The following ELOVL4 variants were observed in gnomAD, a reference collection of about 807,000 sequenced individuals.
The protein encoded by ELOVL4 is ELOVL fatty acid elongase 4, also known as very long chain fatty acid elongase 4.
ELOVL4 carries 18 observed loss-of-function variants against 42.1 expected under a neutral mutation model. The observed-to-expected ratio is 0.43, with a 90% CI of 0.30 to 0.63. ELOVL4 has a LOEUF of 0.63. ELOVL4 is among the 30% of genes least tolerant of loss of function. ELOVL4 has a pLI of 0.15. For synonymous variants in ELOVL4, 117 were observed against 127.0 expected (o/e 0.92, Z 0.53); for missense variants, 299 against 376.2 (o/e 0.79, Z 1.70).
intron 1 of ELOVL4, among the ~76,000 whole-genome samples, chr6:79,929,074 C>G (rs1303964095): frequency 1.3e-5 from 2 of 148,376 alleles, no homozygotes; most frequent in Non-Finnish European, 3.0e-5. Flanking sequence ...CACAATCTAT[C>G]TTCATTTCCT....
chr6:79,928,984 C>A (rs1774397677), intron 1 of ELOVL4, among the ~76,000 whole-genome samples: 2 of 152,114 alleles, frequency 1.3e-5, no homozygotes, highest in South Asian at 4.2e-4. Context: ...AGGAAAGAGG[C>A]ACTAGTAAGA....
In ELOVL4 at chr6:79,915,409, C is replaced by A. The variant is rs886556050; in HGVS notation, c.*1199G>T. 1.3e-5 allele frequency: 2 copies of A among 152,518 alleles called. No individual in the cohort carries two copies. The highest frequency in any genetic ancestry group is 1.3e-4 in the Admixed American group (2 of 15,266). The allele number at this position is 152,518 out of a possible 1,614,324, so 9.4% of individuals were successfully genotyped here. A position where few individuals can be genotyped will look rare whatever the true frequency, so the allele number is the denominator to read the frequency against. Reference sequence around the variant, plus strand: ...GCATTGAATTTAACAATCTTTAGCACCAAGGAGTCAAGAATATTGCACCAA... The same window carrying A: ...GCATTGAATTTAACAATCTTTAGCAACAAGGAGTCAAGAATATTGCACCAA... On this transcript the variant is annotated 3_prime_UTR_variant, in exon 6 of 6. Coordinates refer to ENST00000369816, the MANE Select transcript of ELOVL4 (RefSeq NM_022726.4).
Position 79,916,860 on chromosome 6 carries a change from C to T in ELOVL4, c.693G>A (p.Gly231=), listed in dbSNP as rs771190061. ...CAGTGTAAAGAGACAGTGCCGTGTG[C>T]CCAATGGTCACATGGAATTGAATCT... ...LQLIQFHVTI[G]HTALSLYTDC... is the part of the protein sequence containing the mutation. Residue 231 remains glycine (G), a synonymous_variant, in exon 6 of 6, where the codon GGG becomes GGA. Coordinates refer to ENST00000369816, the MANE Select transcript of ELOVL4 (RefSeq NM_022726.4). 25 of 1,613,962 alleles carry T rather than the reference C, an allele frequency of 1.5e-5. No individual in the cohort carries two copies. Among genetic ancestry groups the T allele is most frequent in the Non-Finnish European group, 1.9e-5 (23 of 1,180,004 alleles).
In ELOVL4 at chr6:79,939,419, T is replaced by C. The variant is rs115588520; in HGVS notation, c.100+7761A>G. On this transcript the variant is annotated intron_variant, in intron 1 of 5. Coordinates refer to ENST00000369816, the MANE Select transcript of ELOVL4 (RefSeq NM_022726.4). Reference sequence around the variant, plus strand: ...TCTATCTTGAAAAACTGAAACTCTATACCTATTAAACAAGTCATCAGTTCT... The same window carrying C: ...TCTATCTTGAAAAACTGAAACTCTACACCTATTAAACAAGTCATCAGTTCT... 5.7e-3 allele frequency among the ~76,000 whole-genome samples: 867 copies of C among 152,230 alleles called. 8 individuals carry two copies. Among genetic ancestry groups the C allele is most frequent in the African/African-American group, 0.02 (816 of 41,556 alleles).
chr6:79,926,073 G>A, intron 2 of ELOVL4, 121 bp downstream of exon 2: 2 of 876,830 alleles, frequency 2.3e-6, no homozygotes, highest in South Asian at 1.6e-5. Context: ...TGTCAAAAAT[G>A]TACTTTTAGA....
chr6:79,938,030 C>T (rs1004729622), intron 1 of ELOVL4, among the ~76,000 whole-genome samples: 6 of 152,132 alleles, frequency 3.9e-5, no homozygotes, highest in African/African-American at 1.4e-4. Flanking sequence ...TGCCCAAGTG[C>T]AGGTGATGTC....
chr6:79,940,397 C>T (rs1345698743), intron 1 of ELOVL4, among the ~76,000 whole-genome samples: 1 of 152,160 alleles, frequency 6.6e-6, no homozygotes, highest in African/African-American at 2.4e-5. Flanking sequence ...AGTTAAGGAA[C>T]ATACTTATAC....
At chr6:79,926,170 A>T in intron 2 of ELOVL4, 24 bp downstream of exon 2, 1 of 1,595,774 alleles carries the variant, frequency 6.3e-7, no homozygotes. Flanking sequence ...TTGGAAAATT[A>T]TTAAAGTGAT....
chr6:79,928,612 A>G (rs1582049312), intron 1 of ELOVL4, among the ~76,000 whole-genome samples: 1 of 152,066 alleles, frequency 6.6e-6, no homozygotes, highest in African/African-American at 2.4e-5. Context: ...AGATCTTACA[A>G]TATGAAACAC....
At chr6:79,939,153 T>C (rs1368321034) in intron 1 of ELOVL4, among the ~76,000 whole-genome samples, 1 of 152,192 alleles carries the variant, frequency 6.6e-6, no homozygotes, top group East Asian at 1.9e-4. Context: ...AGCTATATAG[T>C]CTCTTTATAA....
At chr6:79,943,426 C>T (rs2127702654) in intron 1 of ELOVL4, among the ~76,000 whole-genome samples, 1 of 152,300 alleles carries the variant, frequency 6.6e-6, no homozygotes, top group South Asian at 2.1e-4. Context: ...TCTCCAAATA[C>T]TCTGACAGTA....
In ELOVL4 at chr6:79,947,545, C is replaced by A; in HGVS notation, c.-266G>T. On this transcript the variant is annotated 5_prime_UTR_variant, in exon 1 of 6. Transcript: ENST00000369816. ...CCAGCCGCCAGCACAGTGCGCTGCA[C>A]CAGTCTGCAGCCTCGCGCAGCCGCC... 2.1e-6 allele frequency: 1 copy of A among 480,438 alleles called. No individual in the cohort carries two copies. Among genetic ancestry groups the A allele is most frequent in the Non-Finnish European group, 3.8e-6 (1 of 263,382 alleles). The allele number at this position is 480,438 out of a possible 1,614,324, so 29.8% of individuals were successfully genotyped here. A position where few individuals can be genotyped will look rare whatever the true frequency, so the allele number is the denominator to read the frequency against.
Position 79,916,619 on chromosome 6 carries a change from T to G in ELOVL4, c.934A>C (p.Lys312Gln). 6.2e-7 allele frequency: 1 copy of G among 1,614,030 alleles called. No homozygotes were observed. The highest frequency in any genetic ancestry group is 8.5e-7 in the Non-Finnish European group (1 of 1,180,008). The change falls in exon 6 of 6, where the codon AAA becomes CAA. Residue 312 changes from lysine (K) to glutamine (Q), a missense_variant. Transcript: ENST00000369816. ...AGGCCCAGTTCAATTTAATCTCCTT[T>G]TGCTTTTCCATTTTTCTGCTTTTTT... The part of the protein sequence containing the change: ...NGKKQKNGKA[K>Q]GD
chr6:79,930,359 G>C (rs1416515696), intron 1 of ELOVL4, among the ~76,000 whole-genome samples: 5 of 152,068 alleles, frequency 3.3e-5, no homozygotes, highest in African/African-American at 1.2e-4. Context: ...CAGCCTCCCA[G>C]GATTATCATG....
At chr6:79,917,637 T>A (rs916914092) in intron 5 of ELOVL4, among the ~76,000 whole-genome samples, 1 of 152,116 alleles carries the variant, frequency 6.6e-6, no homozygotes, top group African/African-American at 2.4e-5. Context: ...CTGGCCAACA[T>A]GGTAAAACCC....
Position 79,947,493 on chromosome 6 carries a change from G to C in ELOVL4, c.-214C>G. On this transcript the variant is annotated 5_prime_UTR_variant, in exon 1 of 6. Coordinates refer to ENST00000369816, the MANE Select transcript of ELOVL4 (RefSeq NM_022726.4). ...GCGGAAGGCGTCGTCAAGGTTCCCGGGAGAAAGACGAGGAGGTGGAGGAGG... is the reference window on the plus strand; with the variant it reads ...GCGGAAGGCGTCGTCAAGGTTCCCGCGAGAAAGACGAGGAGGTGGAGGAGG... 1 of 586,448 alleles carries C rather than the reference G, an allele frequency of 1.7e-6. No homozygotes were observed. 36.3% of individuals were successfully genotyped at this position (586,448 alleles called of 1,614,324 possible). A position where few individuals can be genotyped will look rare whatever the true frequency, so the allele number is the denominator to read the frequency against.
chr6:79,922,429 GTCTTT>G (rs1210434352), intron 3 of ELOVL4, among the ~76,000 whole-genome samples: 3 of 152,246 alleles, frequency 2.0e-5, no homozygotes, highest in East Asian at 1.9e-4. Flanking sequence ...ACATGAATAA[GTCTTT>G]TCTTTTCCTG....
chr6:79,939,439 A>G (rs1414898780), intron 1 of ELOVL4, among the ~76,000 whole-genome samples: 3 of 152,048 alleles, frequency 2.0e-5, no homozygotes, highest in African/African-American at 7.2e-5. Context: ...ACAAGTCATC[A>G]GTTCTCCTTC....
chr6:79,928,160 T>C (rs1312479964), intron 1 of ELOVL4, among the ~76,000 whole-genome samples: 1 of 152,112 alleles, frequency 6.6e-6, no homozygotes, highest in Non-Finnish European at 1.5e-5. Flanking sequence ...GAAGAAACAT[T>C]TAGACAAACT....
Sources: allele counts gnomAD v4.1 joint callset (sites outside exome capture counted in the v4.1 genomes callset), GRCh38; gene constraint gnomAD v4.1.1; transcripts MANE v1.5; gene names NCBI Gene and HGNC (gene_info 2026-07-23, HGNC 2026-07-21).